The following SLTM variants were observed in gnomAD, a reference collection of about 807,000 sequenced individuals.
The protein encoded by SLTM is SAFB like transcription modulator, also known as SAFB-like transcription modulator.
SLTM carries 43 observed loss-of-function variants against 134.6 expected under a neutral mutation model. The observed-to-expected ratio is 0.32, with a 90% CI of 0.25 to 0.41. The LOEUF (loss-of-function observed/expected upper bound fraction) is 0.41, where lower values mean the gene tolerates loss of function less well. Among genes scored for constraint, SLTM ranks in the 10% least tolerant of loss-of-function variants. The probability of loss-of-function intolerance (pLI) is 1.00; values close to 1 mark genes in which losing one functional copy is unlikely to be tolerated. For missense variants in SLTM, 1,055 were observed against 1,288.8 expected (o/e 0.82, Z 2.78); for synonymous variants, 424 against 432.3 (o/e 0.98, Z 0.24).
chr15:58,884,876 C>G (rs1354180184), intron 19 of SLTM, among the ~76,000 whole-genome samples: 1 of 152,152 alleles, frequency 6.6e-6, no homozygotes, highest in Non-Finnish European at 1.5e-5. Context: ...CTCAAGTAAT[C>G]CTCCCGCCTT....
intron 20 of SLTM, among the ~76,000 whole-genome samples, chr15:58,880,664 G>A (rs2033623779): frequency 6.6e-6 from 1 of 152,322 alleles, no homozygotes; most frequent in East Asian, 1.9e-4. Context: ...GGGCTCAGGT[G>A]ATTCTCCCAC....
intron 2 of SLTM, among the ~76,000 whole-genome samples, chr15:58,917,575 T>C (rs1045242773): frequency 6.6e-6 from 1 of 152,204 alleles, no homozygotes; most frequent in Non-Finnish European, 1.5e-5. Flanking sequence ...TAATTATTTA[T>C]TTCTCCAAAA....
chr15:58,931,229 T>C (rs1200844333), intron 2 of SLTM, among the ~76,000 whole-genome samples: 1 of 152,162 alleles, frequency 6.6e-6, no homozygotes, highest in Admixed American at 6.5e-5. Flanking sequence ...AAGATAACTT[T>C]TTTACTTCTC....
intron 5 of SLTM, among the ~76,000 whole-genome samples, chr15:58,901,948 A>G (rs2141041002): frequency 2.0e-5 from 3 of 152,330 alleles, no homozygotes; most frequent in Middle Eastern, 6.8e-3. Context: ...GCCAATTTTA[A>G]AATGGTATTT....
chr15:58,895,473 A>G (rs1030743729), intron 9 of SLTM, among the ~76,000 whole-genome samples: 1 of 152,108 alleles, frequency 6.6e-6, no homozygotes, highest in Admixed American at 6.5e-5. Context: ...AGAAGAAAAG[A>G]GAGAGAACGA....
chr15:58,931,188 C>A (rs545263380), intron 2 of SLTM, among the ~76,000 whole-genome samples: 1 of 152,172 alleles, frequency 6.6e-6, no homozygotes, highest in East Asian at 1.9e-4. Flanking sequence ...AAGTGATACA[C>A]TGAGTCAGAG....
chr15:58,922,540 TTTTATATG>T (rs1353787681), intron 2 of SLTM, among the ~76,000 whole-genome samples: 300 of 1,268 alleles, frequency 0.24, 2 homozygotes, highest in South Asian at 0.44. Context: ...ATATAATATA[TTTTATATG>T]TATATAATAT....
At position 58,933,511 on chromosome 15, in the gene SLTM, C is replaced by T. The variant is rs1466126327; in HGVS notation, c.55G>A (p.Gly19Ser). The change falls in exon 1 of 21, where the codon GGT becomes AGT. Residue 19 changes from glycine (G) to serine (S), a missense_variant. By Grantham distance (56) the Gly-to-Ser change is moderately conservative. Around this residue, in one of 3 missense-constraint regions of SLTM, gnomAD observed 268 missense variants for 284.3 expected, o/e 0.94. Coordinates refer to ENST00000380516, the MANE Select transcript of SLTM (RefSeq NM_024755.4). ...ACCCGCAGATCGGTGATCTTTTTAC[C>T]TTCCGCCTGACCCGAGGCGGCCGAG... is the stretch of plus-strand genomic sequence containing the variant. The part of the protein sequence containing the change: ...AASAASGQAE[G>S]KKITDLRVID... 1.3e-6 allele frequency: 2 copies of T among 1,598,668 alleles called. No homozygotes were observed. The highest frequency in any genetic ancestry group is 1.4e-5 in the African/African-American group (1 of 73,320).
chr15:58,910,808 A>C (rs1252254616), intron 5 of SLTM, among the ~76,000 whole-genome samples: 4 of 149,346 alleles, frequency 2.7e-5, no homozygotes, highest in Non-Finnish European at 4.4e-5. Flanking sequence ...GTAGTGGCAC[A>C]ATCTCGGCTC....
At chr15:58,894,014 A>G (rs2034873908) in intron 11 of SLTM, 27 bp from the exon 12 acceptor site, 1 of 1,601,414 alleles carries the variant, frequency 6.2e-7, no homozygotes, top group Non-Finnish European at 8.5e-7. Context: ...AGACAAAAAA[A>G]CAGAATGAGT....
intron 3 of SLTM, among the ~76,000 whole-genome samples, chr15:58,914,481 G>A (rs1417740067): frequency 1.3e-5 from 2 of 152,172 alleles, no homozygotes; most frequent in South Asian, 2.1e-4. Context: ...AATTTCTATC[G>A]AGAGGTGGGC....
At chr15:58,891,660 A>G (rs1277928717) in intron 14 of SLTM, among the ~76,000 whole-genome samples, 1 of 152,218 alleles carries the variant, frequency 6.6e-6, no homozygotes, top group African/African-American at 2.4e-5. Flanking sequence ...GAGTCTAAAT[A>G]GGGATGCAAA....
intron 2 of SLTM, among the ~76,000 whole-genome samples, chr15:58,930,752 T>G (rs538902418): frequency 6.7e-6 from 1 of 148,308 alleles, no homozygotes; most frequent in Admixed American, 6.8e-5. Context: ...TACACCTATA[T>G]ATAATCTATA....
intron 2 of SLTM, among the ~76,000 whole-genome samples, chr15:58,924,609 A>G (rs2037332536): frequency 6.6e-6 from 1 of 152,216 alleles, no homozygotes; most frequent in Non-Finnish European, 1.5e-5. Flanking sequence ...CACCAAACTT[A>G]AGAAGAAACT....
intron 20 of SLTM, among the ~76,000 whole-genome samples, chr15:58,881,977 G>T (rs1227217883): frequency 1.3e-5 from 2 of 151,748 alleles, no homozygotes; most frequent in Non-Finnish European, 2.9e-5. Context: ...TTAGAAGGCT[G>T]AGGTGGGCAG....
rs537657601 is a variant in SLTM, at chr15:58,893,518, A to C, written c.1649-154T>G. Among the ~76,000 whole-genome samples the C allele has an allele frequency of 1.1e-4, 16 of 152,358 alleles. No homozygotes were observed. The South Asian group carries it at 2.9e-3, about 28-fold the overall frequency. On this transcript the variant is annotated intron_variant, in intron 12 of 20. Coordinates refer to ENST00000380516, the MANE Select transcript of SLTM (RefSeq NM_024755.4). ...AGAACTTCAATGCAAAGAGTTTTTT[A>C]AACAGTTCAGTCTGCTAACATAAAT...
Position 58,893,940 on chromosome 15 carries a change from G to A in SLTM, c.1529C>T (p.Ser510Phe), listed in dbSNP as rs762418265. ...AGTATCCTTGCTTTCTTTTTTTTCA[G>A]ATTTCTCAGACGATCTTTTCTCTTC... ...KKEEKRSSEK[S>F]EKKESKDTKK... is the part of the protein sequence containing the mutation. Residue 510 changes from serine to phenylalanine, a missense_variant, in exon 12 of 21, where the codon TCT (serine) becomes TTT (phenylalanine). Physicochemically the swap from Ser to Phe is radical, Grantham distance 155. Transcript: ENST00000380516. 6.2e-7 allele frequency: 1 copy of A among 1,608,988 alleles called. No homozygotes were observed. The highest frequency in any genetic ancestry group is 1.1e-5 in the South Asian group (1 of 90,368).
chr15:58,926,713 C>A (rs532072137), intron 2 of SLTM, among the ~76,000 whole-genome samples: 15 of 151,476 alleles, frequency 9.9e-5, no homozygotes, highest in Non-Finnish European at 1.9e-4. Flanking sequence ...CTCCCAAGTT[C>A]AAGTGATTCT....
intron 5 of SLTM, among the ~76,000 whole-genome samples, chr15:58,908,285 T>C (rs907566542): frequency 6.6e-6 from 1 of 152,034 alleles, no homozygotes; most frequent in African/African-American, 2.4e-5. Flanking sequence ...GGTCTTGAAC[T>C]CTTGAGCTCA....
Sources: gnomAD v4.1 joint callset for allele counts (sites outside exome capture counted in the v4.1 genomes callset) on GRCh38, gnomAD v4.1.1 for gene constraint, gnomAD v4.1.1 regional missense constraint, MANE v1.5 for transcripts, NCBI Gene and HGNC (gene_info 2026-07-23, HGNC 2026-07-21) for gene names.